The following CHN2 variants were observed in gnomAD, a reference collection of about 807,000 sequenced individuals.
CHN2 encodes beta-chimaerin.
In CHN2, 35 loss-of-function variants were observed where a neutral mutation model predicts 56.3. The ratio of observed to expected loss-of-function variants is 0.62; its 90% CI spans 0.47 to 0.82. CHN2 has a LOEUF of 0.82. CHN2 is among the 40% of genes least tolerant of loss of function. CHN2 has a pLI of 0.00. For missense variants in CHN2, 491 were observed against 580.5 expected (o/e 0.85, Z 1.58); for synonymous variants, 210 against 212.8 (o/e 0.99, Z 0.12).
Position 29,499,982 on chromosome 7 carries a change from T to C in CHN2, c.855T>C (p.Ala285=). The stretch of plus-strand genomic sequence containing the variant: ...GTGACCTCACAACACTTGTGAAGGC[T>C]CACAACACTCAGAGACCCATGGTGG... The part of the protein sequence containing the change: ...YCCDLTTLVK[A]HNTQRPMVVD... Residue 285 remains alanine (A), a synonymous_variant, in exon 9 of 13, where the codon GCT becomes GCC. Transcript: ENST00000222792. 6.2e-7 allele frequency: 1 copy of C among 1,605,124 alleles called. No individual in the cohort carries two copies. Among genetic ancestry groups the C allele is most frequent in the Non-Finnish European group, 8.5e-7 (1 of 1,176,392 alleles).
intron 1 of CHN2, among the ~76,000 whole-genome samples, chr7:29,229,976 C>A (rs1786536542): frequency 8.4e-6 from 1 of 119,162 alleles, no homozygotes; most frequent in Non-Finnish European, 1.8e-5. Context: ...GACCCTGTCT[C>A]AAAAATAAAT....
At chr7:29,274,985 C>G (rs1347435636) in intron 1 of CHN2, among the ~76,000 whole-genome samples, 3 of 152,086 alleles carry the variant, frequency 2.0e-5, no homozygotes, top group African/African-American at 7.2e-5. Context: ...TAGCAAGGCC[C>G]TGGGTCTGGT....
chr7:29,185,690 T>C (rs572981927), intron 2 of CHN2: 3 of 152,272 alleles, frequency 2.0e-5, no homozygotes, highest in South Asian at 2.1e-4. Flanking sequence ...GATCTCGGCA[T>C]TGGGATTTCT....
chr7:29,307,336 G>T (rs891500742), intron 1 of CHN2, among the ~76,000 whole-genome samples: 1 of 152,208 alleles, frequency 6.6e-6, no homozygotes, highest in African/African-American at 2.4e-5. Flanking sequence ...TGAAGGGAAA[G>T]AATAAAAGGA....
intron 1 of CHN2, among the ~76,000 whole-genome samples, chr7:29,302,004 C>G (rs1793710662): frequency 6.6e-6 from 1 of 152,122 alleles, no homozygotes; most frequent in Non-Finnish European, 1.5e-5. Context: ...GATGCACTTC[C>G]CCTTGAGGAA....
chr7:29,297,655 G>T (rs1259681649), intron 1 of CHN2, among the ~76,000 whole-genome samples: 1 of 151,946 alleles, frequency 6.6e-6, no homozygotes, highest in Non-Finnish European at 1.5e-5. Flanking sequence ...CCAAAAGCCC[G>T]GCTGGTACAA....
At chr7:29,464,275 A>G (rs966721273) in intron 6 of CHN2, among the ~76,000 whole-genome samples, 27 of 152,230 alleles carry the variant, frequency 1.8e-4, no homozygotes, top group African/African-American at 6.5e-4. Flanking sequence ...ACTGGTAGGT[A>G]TTCATTGGCC....
rs546137848 is a variant in CHN2 at position 29,507,350 on chromosome 7, T to C, written c.1114T>C (p.Phe372Leu). The change falls in exon 11 of 13, where the codon TTT becomes CTT. Residue 372 changes from phenylalanine to leucine, a missense_variant. Transcript: ENST00000222792. ...CATCACATATGATACCTATTCCAAA[T>C]TTATAGATGCAGCAAGTAAGTACTT... Reference protein sequence around the residue: ...PVITYDTYSKFIDAAKISNAD... With the variant: ...PVITYDTYSKLIDAAKISNAD... The C allele has an allele frequency of 6.2e-7, 1 of 1,607,394 alleles. No individual in the cohort carries two copies. The highest frequency in any genetic ancestry group is 1.3e-5 in the African/African-American group (1 of 74,706).
intron 3 of CHN2, 41 bp from the exon 4 acceptor site, chr7:29,393,638 A>G (rs1310961907): frequency 3.6e-6 from 3 of 823,120 alleles, no homozygotes; most frequent in Non-Finnish European, 5.4e-6. Context: ...AGCTGATTTG[A>G]ATTCAAATGC....
At chr7:29,410,371 A>G (rs1803090270) in intron 6 of CHN2, among the ~76,000 whole-genome samples, 2 of 152,026 alleles carry the variant, frequency 1.3e-5, no homozygotes, top group Non-Finnish European at 2.9e-5. Context: ...TTTGTTTATT[A>G]GTCTAGGTGG....
intron 1 of CHN2, among the ~76,000 whole-genome samples, chr7:29,314,924 A>G (rs1028593269): frequency 1.3e-5 from 2 of 151,906 alleles, no homozygotes; most frequent in African/African-American, 2.4e-5. Context: ...TTAAAACGAC[A>G]TCTTGGGTTT....
intron 6 of CHN2, among the ~76,000 whole-genome samples, chr7:29,414,494 T>G (rs974707997): frequency 6.6e-6 from 1 of 152,076 alleles, no homozygotes; most frequent in Non-Finnish European, 1.5e-5. Context: ...ATTGGAGCGG[T>G]GGAAGTAACT....
At chr7:29,252,317 TAGCTGGGACTAC>T (rs1562866051) in intron 1 of CHN2, among the ~76,000 whole-genome samples, 1 of 150,684 alleles carries the variant, frequency 6.6e-6, no homozygotes, top group African/African-American at 2.4e-5. Context: ...GCCTCCCGAG[TAGCTGGGACTAC>T]AGGCACCCGC....
Position 29,468,153 on chromosome 7 carries a change from C to G in CHN2, c.577-12126C>G, listed in dbSNP as rs768110243. On this transcript the variant is annotated intron_variant, in intron 6 of 12. Transcript: ENST00000222792. ...CCAAACGGACCCGCCCCCCCCCCCC[C>G]CCGCCCGACTACCCAAAATTTTGTT... 7.0e-4 allele frequency among the ~76,000 whole-genome samples: 83 copies of G among 119,308 alleles called. 2 individuals are homozygous for G. The highest frequency in any genetic ancestry group is 2.2e-3 in the African/African-American group (73 of 33,384). The allele number at this position is 119,308 out of a possible 152,430, so 78.3% of individuals were successfully genotyped here.
intron 6 of CHN2, among the ~76,000 whole-genome samples, chr7:29,408,828 G>A (rs1458629054): frequency 2.0e-5 from 3 of 152,174 alleles, no homozygotes; most frequent in Non-Finnish European, 2.9e-5. Context: ...TACATTCAGC[G>A]TATGGAGGGA....
At chr7:29,186,579 A>C (rs1440869813) in intron 2 of CHN2, 1 of 151,748 alleles carries the variant, frequency 6.6e-6, no homozygotes, top group Non-Finnish European at 1.5e-5. Flanking sequence ...AAAGGAAAGG[A>C]AAGAAAGAAA....
intron 3 of CHN2, among the ~76,000 whole-genome samples, chr7:29,389,747 G>C (rs1480886033): frequency 6.6e-6 from 1 of 152,218 alleles, no homozygotes; most frequent in South Asian, 2.1e-4. Flanking sequence ...AAAATGTTCA[G>C]TTTTATTTTT....
At chr7:29,375,685 A>AGGT (rs1800021565) in intron 3 of CHN2, among the ~76,000 whole-genome samples, 1 of 152,180 alleles carries the variant, frequency 6.6e-6, no homozygotes, top group Admixed American at 6.5e-5. Context: ...CATTGATCTC[A>AGGT]GGTGGTGGTG....
At position 29,159,604 on chromosome 7, in the gene CHN2, A is replaced by C. The variant is rs74435505; in HGVS notation, c.274+12644A>C. Among the ~76,000 whole-genome samples, 1,201 of 152,210 alleles carry C rather than the reference A, an allele frequency of 7.9e-3. 19 individuals carry two copies. The highest frequency in any genetic ancestry group is 0.027 in the African/African-American group (1,141 of 41,510). On this transcript the variant is annotated intron_variant, in intron 2 of 6. Coordinates refer to the CHN2 transcript ENST00000439384. ...GAAAACCTCTTCCCACACAAGTCTTATGCCTCCTCCTTCCCCGCTTCGTGC... is the reference window on the plus strand; with the variant it reads ...GAAAACCTCTTCCCACACAAGTCTTCTGCCTCCTCCTTCCCCGCTTCGTGC...
Sources: allele counts gnomAD v4.1 joint callset (sites outside exome capture counted in the v4.1 genomes callset), GRCh38; gene constraint gnomAD v4.1.1; transcripts MANE v1.5; gene names NCBI Gene and HGNC (gene_info 2026-07-23, HGNC 2026-07-21).